SCARA3: variants seen among roughly 807,000 people sequenced by gnomAD.
The protein encoded by SCARA3 is scavenger receptor class A member 3, also known as cellular stress response gene protein.
In SCARA3, 39 loss-of-function variants were observed where a neutral mutation model predicts 47.0. The observed-to-expected ratio is 0.83, with a 90% CI of 0.64 to 1.08. The LOEUF (loss-of-function observed/expected upper bound fraction) is 1.08. SCARA3 is among the 50% of genes least tolerant of loss of function. SCARA3 has a pLI of 0.00. For synonymous variants in SCARA3, 356 were observed against 334.1 expected, an observed-to-expected ratio of 1.07 and a Z score of -0.71; for missense variants, 724 against 792.3, an observed-to-expected ratio of 0.91 and a Z score of 1.04.
chr8:27,649,934 A>G (rs1254975287), intron 2 of SCARA3, 134 bp downstream of exon 2: 3 of 713,418 alleles, frequency 4.2e-6, no homozygotes, highest in Non-Finnish European at 6.9e-6. Context: ...TGCTTCCTGG[A>G]TGGTGAAAGG....
At chr8:27,707,345 T>C in the SCARA3 span, among the ~76,000 whole-genome samples, 1 of 152,212 alleles carries the variant, frequency 6.6e-6, no homozygotes, top group Non-Finnish European at 1.5e-5. Context: ...AATCAACTTT[T>C]GTAGTTTCTC....
chr8:27,663,435 A>G (rs1487635283), intron 5 of SCARA3, among the ~76,000 whole-genome samples: 1 of 152,210 alleles, frequency 6.6e-6, no homozygotes, highest in Non-Finnish European at 1.5e-5. Flanking sequence ...CCACTTCTTT[A>G]TGTAACTTAT....
chr8:27,695,338 A>C, the SCARA3 span, among the ~76,000 whole-genome samples: 1 of 152,228 alleles, frequency 6.6e-6, no homozygotes, highest in Non-Finnish European at 1.5e-5. Flanking sequence ...ACAAAGCATA[A>C]AATACAGTCA....
chr8:27,664,187 G>T (rs1446801851), intron 5 of SCARA3, among the ~76,000 whole-genome samples: 1 of 152,206 alleles, frequency 6.6e-6, no homozygotes, highest in African/African-American at 2.4e-5. Context: ...AAATACGTAT[G>T]TGCACGACCT....
chr8:27,696,023 ATT>A, the SCARA3 span, among the ~76,000 whole-genome samples: 1 of 147,440 alleles, frequency 6.8e-6, no homozygotes, highest in Non-Finnish European at 1.5e-5. Flanking sequence ...TTTTATTTTA[ATT>A]TTTTTTTTTT....
At chr8:27,681,945 T>C in the SCARA3 span, among the ~76,000 whole-genome samples, 37 of 151,622 alleles carry the variant, frequency 2.4e-4, no homozygotes, top group Middle Eastern at 3.4e-3. Flanking sequence ...AAAATGTACA[T>C]GAAAATGCAA....
At chr8:27,698,145 A>G in the SCARA3 span, among the ~76,000 whole-genome samples, 1 of 152,244 alleles carries the variant, frequency 6.6e-6, no homozygotes, top group Non-Finnish European at 1.5e-5. Flanking sequence ...CATAGCCAGT[A>G]TATCTGTACT....
chr8:27,655,996 T>G (rs1389971708), intron 3 of SCARA3, among the ~76,000 whole-genome samples: 1 of 152,180 alleles, frequency 6.6e-6, no homozygotes, highest in Non-Finnish European at 1.5e-5. Flanking sequence ...ATCGGCAACA[T>G]CATGGCTTGA....
intron 2 of SCARA3, among the ~76,000 whole-genome samples, chr8:27,650,263 G>A (rs1014380054): frequency 1.3e-5 from 2 of 152,130 alleles, no homozygotes; most frequent in African/African-American, 4.8e-5. Context: ...CCAAATTGCT[G>A]GGGTTACAGG....
chr8:27,644,895 A>G (rs1265996075), intron 1 of SCARA3, among the ~76,000 whole-genome samples: 1 of 152,204 alleles, frequency 6.6e-6, no homozygotes, highest in African/African-American at 2.4e-5. Context: ...GGTATTGAAA[A>G]GCAATTAACT....
the SCARA3 span, among the ~76,000 whole-genome samples, chr8:27,687,282 C>T: frequency 6.6e-6 from 1 of 152,044 alleles, no homozygotes; most frequent in African/African-American, 2.4e-5. Flanking sequence ...GAGAGAAGAC[C>T]CTACCTCAGA....
the SCARA3 span, chr8:27,703,439 G>T: frequency 6.6e-6 from 1 of 152,372 alleles, no homozygotes; most frequent in Non-Finnish European, 1.5e-5. Context: ...GACAGGATGG[G>T]GTGGCTGGGT....
At chr8:27,696,167 G>A in the SCARA3 span, among the ~76,000 whole-genome samples, 1 of 151,970 alleles carries the variant, frequency 6.6e-6, no homozygotes, top group South Asian at 2.1e-4. Context: ...ATGCCACCAT[G>A]CCTGGCTAAT....
At chr8:27,649,663 G>C (rs147230071) in intron 1 of SCARA3, 39 bp from the exon 2 acceptor site, 2 of 1,589,614 alleles carry the variant, frequency 1.3e-6, no homozygotes, top group African/African-American at 2.7e-5. Context: ...GGAGAGGCCT[G>C]GGATGGCTTT....
chr8:27,664,694 C>G (rs1006624385), intron 5 of SCARA3, among the ~76,000 whole-genome samples: 4 of 152,142 alleles, frequency 2.6e-5, no homozygotes, highest in African/African-American at 9.7e-5. Context: ...GAAATTTACA[C>G]TTGCTGCTGT....
intron 5 of SCARA3, among the ~76,000 whole-genome samples, chr8:27,661,867 A>G (rs186534633): frequency 1.3e-5 from 2 of 152,318 alleles, no homozygotes; most frequent in Admixed American, 1.3e-4. Flanking sequence ...ATGTAATACT[A>G]TGGGACACCC....
rs1802179962 is a variant in SCARA3 at position 27,672,091 on chromosome 8, C to A, written c.*740C>A. ...AGAGGCAAAGTGGACCTGGCAACCA[C>A]AAGACCCTCCCCATAAGCAGGGGAC... On this transcript the variant is annotated 3_prime_UTR_variant, in exon 6 of 6. Coordinates refer to ENST00000301904, the MANE Select transcript of SCARA3 (RefSeq NM_016240.3). The A allele has an allele frequency of 2.0e-6, 2 of 985,466 alleles. No homozygotes were observed. Among genetic ancestry groups the A allele is most frequent in the African/African-American group, 3.5e-5 (2 of 57,348 alleles). The allele number at this position is 985,466 out of a possible 1,614,324, so 61.0% of individuals were successfully genotyped here.
downstream of SCARA3, chr8:27,676,663 T>C (rs964256864): frequency 1.0e-6 from 1 of 974,792 alleles, no homozygotes; most frequent in African/African-American, 1.6e-5. Flanking sequence ...ATTTGTTTAC[T>C]ATCCTTAATG....
chr8:27,677,282 G>C (rs956963313), downstream of SCARA3, among the ~76,000 whole-genome samples: 21 of 152,320 alleles, frequency 1.4e-4, no homozygotes, highest in African/African-American at 5.1e-4. Context: ...AGTCTTATGG[G>C]AAGAAGAAAC....
Sources: allele counts gnomAD v4.1 joint callset (sites outside exome capture counted in the v4.1 genomes callset), GRCh38; gene constraint gnomAD v4.1.1; transcripts MANE v1.5; gene names NCBI Gene and HGNC (gene_info 2026-07-23, HGNC 2026-07-21).